SBNO2: variants seen among roughly 807,000 people sequenced by gnomAD.
The protein encoded by SBNO2 is protein strawberry notch homolog 2.
SBNO2 carries 89 observed loss-of-function variants against 146.3 expected under a neutral mutation model. The ratio of observed to expected loss-of-function variants is 0.61; its 90% CI spans 0.51 to 0.73. SBNO2 has a LOEUF of 0.73. SBNO2 is among the 30% of genes least tolerant of loss of function. SBNO2 has a pLI of 0.00. For synonymous variants in SBNO2, 1,147 were observed against 892.6 expected (o/e 1.29, Z -5.08); for missense variants, 2,092 against 2,003.7 (o/e 1.04, Z -0.84).
At chr19:1,128,259 C>T (rs112872546) in intron 4 of SBNO2, 7 of 486,432 alleles carry the variant, frequency 1.4e-5, no homozygotes, top group East Asian at 5.9e-5. Flanking sequence ...CTGAGCAGCT[C>T]GGGTCTGGGG....
intron 4 of SBNO2, among the ~76,000 whole-genome samples, chr19:1,133,148 G>A (rs1463704052): frequency 1.3e-5 from 2 of 152,266 alleles, no homozygotes; most frequent in Admixed American, 6.5e-5. Context: ...GTGGGAGGAC[G>A]GCCGGGCTGT....
In SBNO2 at chr19:1,144,689, G is replaced by A. The variant is rs776984457; in HGVS notation, c.279+2620C>T. 1.3e-5 allele frequency among the ~76,000 whole-genome samples: 2 copies of A among 151,670 alleles called. No homozygotes were observed. The highest frequency in any genetic ancestry group is 2.4e-5 in the African/African-American group (1 of 41,236). ...GGAAACAGACGAAGACAGAGAGGGC[G>A]ACAGAGACAGAGAGGGAAACAGACA... On this transcript the variant is annotated intron_variant, in intron 4 of 31. Transcript: ENST00000361757. This position sits in a 1 kb window ranked among gnomAD's most constrained non-coding sequence, Gnocchi z 4.1.
chr19:1,120,680 T>G (rs10411705), intron 11 of SBNO2, among the ~76,000 whole-genome samples: 5,021 of 151,586 alleles, frequency 0.033, 280 homozygotes, highest in African/African-American at 0.12. Context: ...AATTCTTTGT[T>G]TTTTTTTGAG....
intron 14 of SBNO2, among the ~76,000 whole-genome samples, chr19:1,117,713 G>A (rs1346708986): frequency 1.3e-5 from 2 of 152,266 alleles, no homozygotes; most frequent in East Asian, 1.9e-4. Context: ...TGGGGAAGCC[G>A]TGCTGCAAAC....
Position 1,112,028 on chromosome 19 carries a change from G to A in SBNO2, c.2668C>T (p.Arg890Cys), listed in dbSNP as rs780991401. 1.9e-6 allele frequency: 3 copies of A among 1,611,578 alleles called. No individual in the cohort carries two copies. Among genetic ancestry groups the A allele is most frequent in the Non-Finnish European group, 8.5e-7 (1 of 1,179,390 alleles). Reference protein sequence around the residue: ...THGDRRATESRDLSKYNFENK... With the variant: ...THGDRRATESCDLSKYNFENK... Reference sequence around the variant, plus strand: ...TCAAAGTTGTACTTGCTGAGGTCACGGGACTCCGTGGCGCGGCGGTCTCCG... The same window carrying A: ...TCAAAGTTGTACTTGCTGAGGTCACAGGACTCCGTGGCGCGGCGGTCTCCG... Residue 890 changes from arginine to cysteine, a missense_variant, in exon 23 of 32, where the codon CGT (arginine) becomes TGT (cysteine). Physicochemically the swap from Arg to Cys is radical, Grantham distance 180. Transcript: ENST00000361757. This position sits in a 1 kb window ranked among gnomAD's most constrained non-coding sequence, Gnocchi z 5.9.
chr19:1,128,207 T>C, intron 4 of SBNO2: 1 of 497,622 alleles, frequency 2.0e-6, no homozygotes, highest in Non-Finnish European at 4.0e-6. Flanking sequence ...GGACGGCGTC[T>C]GACTTCTGCA....
intron 1 of SBNO2, among the ~76,000 whole-genome samples, chr19:1,164,654 G>A (rs2080389132): frequency 6.9e-6 from 1 of 144,748 alleles, no homozygotes; most frequent in Non-Finnish European, 1.5e-5. Context: ...GGAACAGGAG[G>A]AGGAGGAGGA....
chr19:1,149,240 T>C (rs1164156043), intron 3 of SBNO2, 129 bp downstream of exon 3: 14 of 817,532 alleles, frequency 1.7e-5, no homozygotes, highest in Non-Finnish European at 2.8e-5. Flanking sequence ...CAGGACCACG[T>C]GCACACCACC....
chr19:1,164,301 C>G (rs2145342313), intron 1 of SBNO2, among the ~76,000 whole-genome samples: 1 of 152,256 alleles, frequency 6.6e-6, no homozygotes, highest in East Asian at 1.9e-4. Flanking sequence ...AACCTCCTGT[C>G]CTGCTCCAGC....
chr19:1,127,160 G>A (rs577375319), intron 5 of SBNO2, among the ~76,000 whole-genome samples: 2 of 150,306 alleles, frequency 1.3e-5, no homozygotes, highest in East Asian at 1.9e-4. Context: ...TGCCTGGACA[G>A]CCACATTGCC....
At position 1,110,983 on chromosome 19, in the gene SBNO2, C is replaced by T. The variant is rs752762613; in HGVS notation, c.2884+36G>A. On this transcript the variant is annotated intron_variant, in intron 25 of 31. Coordinates refer to ENST00000361757, the MANE Select transcript of SBNO2 (RefSeq NM_014963.3). The surrounding 1 kb of genome is among the most constrained non-coding windows in gnomAD (Gnocchi z 4.9). ...GGCCAAGGTTGCATGAGATGAGAGA[C>T]AGGAGCGCCTCTGGGCCTGGGTGTG... is the stretch of plus-strand genomic sequence containing the variant. The T allele has an allele frequency of 2.5e-6, 4 of 1,604,580 alleles. No homozygotes were observed. Among genetic ancestry groups the T allele is most frequent in the East Asian group, 2.3e-5 (1 of 43,950 alleles).
chr19:1,132,281 G>C, intron 4 of SBNO2: 1 of 1,311,954 alleles, frequency 7.6e-7, no homozygotes, highest in Non-Finnish European at 9.7e-7. Context: ...TGTCGGTTTA[G>C]TCACCGCCGC....
At position 1,109,124 on chromosome 19, in the gene SBNO2, C is replaced by T. The variant is rs2079718094; in HGVS notation, c.3425+11G>A. On this transcript the variant is annotated intron_variant, in intron 30 of 31. Transcript: ENST00000361757. This position sits in a 1 kb window ranked among gnomAD's most constrained non-coding sequence, Gnocchi z 4.2. ...CTGCCGGTTTCCCCCTGGTCCCCGG[C>T]CCGCCCTCACCAGGCGCTGTGGCTG... 1 of 1,549,904 alleles carries T rather than the reference C, an allele frequency of 6.5e-7. No individual in the cohort carries two copies. Among genetic ancestry groups the T allele is most frequent in the Non-Finnish European group, 8.7e-7 (1 of 1,147,114 alleles).
intron 4 of SBNO2, among the ~76,000 whole-genome samples, chr19:1,146,642 C>T (rs1055185990): frequency 3.6e-4 from 54 of 151,228 alleles, no homozygotes; most frequent in African/African-American, 1.2e-3. Context: ...CCAGGGAAGC[C>T]GATCTCTGTG....
In SBNO2 at chr19:1,144,118, G is replaced by A. The variant is rs1029745557; in HGVS notation, c.279+3191C>T. Among the ~76,000 whole-genome samples, 1 of 151,278 alleles carries A rather than the reference G, an allele frequency of 6.6e-6. No individual in the cohort carries two copies. Among genetic ancestry groups the A allele is most frequent in the Non-Finnish European group, 1.5e-5 (1 of 67,762 alleles). ...CAGAACCACGCGGCCCAGCCCACAGGCCTGGGCTGACTCATACCCGTCCCG... is the reference window on the plus strand; with the variant it reads ...CAGAACCACGCGGCCCAGCCCACAGACCTGGGCTGACTCATACCCGTCCCG... On this transcript the variant is annotated intron_variant, in intron 4 of 31. Transcript: ENST00000361757. This position sits in a 1 kb window ranked among gnomAD's most constrained non-coding sequence, Gnocchi z 4.1.
At chr19:1,119,415 C>G in intron 13 of SBNO2, 101 bp downstream of exon 13, 2 of 1,002,840 alleles carry the variant, frequency 2.0e-6, no homozygotes, top group Non-Finnish European at 1.5e-6. Flanking sequence ...CCTCTGGGTG[C>G]TGGGGAAGCA....
In SBNO2 at chr19:1,136,707, G is replaced by A. The variant is rs920687656; in HGVS notation, c.280-8942C>T. The stretch of plus-strand genomic sequence containing the variant: ...GTAACTGTGGGGGCTCCGTGGTGCC[G>A]GATGGGCCGAGGCATCTGACCCCTG... On this transcript the variant is annotated intron_variant, in intron 4 of 31. Coordinates refer to ENST00000361757, the MANE Select transcript of SBNO2 (RefSeq NM_014963.3). The surrounding 1 kb of genome is among the most constrained non-coding windows in gnomAD (Gnocchi z 4.2). Among the ~76,000 whole-genome samples, 7 of 152,176 alleles carry A rather than the reference G, an allele frequency of 4.6e-5. No individual in the cohort carries two copies. Among genetic ancestry groups the A allele is most frequent in the Non-Finnish European group, 8.8e-5 (6 of 68,026 alleles).
rs2079969518 is a variant in SBNO2 at position 1,126,689 on chromosome 19, G to C, written c.441+915C>G. Among the ~76,000 whole-genome samples the C allele has an allele frequency of 6.6e-6, 1 of 152,216 alleles. No homozygotes were observed. Among genetic ancestry groups the C allele is most frequent in the South Asian group, 2.1e-4 (1 of 4,832 alleles). ...GGGCCCGGGAGAGCGGCCTATGGGT[G>C]TGAGCCCACCACTGTGCCGGGAGCG... On this transcript the variant is annotated intron_variant, in intron 5 of 31. Transcript: ENST00000361757. This position sits in a 1 kb window ranked among gnomAD's most constrained non-coding sequence, Gnocchi z 4.4.
Position 1,108,201 on chromosome 19 carries a change from T to C in SBNO2, c.*19A>G, listed in dbSNP as rs763154595. 3 of 1,521,732 alleles carry C rather than the reference T, an allele frequency of 2.0e-6. No individual in the cohort carries two copies. Among genetic ancestry groups the C allele is most frequent in the South Asian group, 2.4e-5 (2 of 82,990 alleles). 94.3% of individuals were successfully genotyped at this position (1,521,732 alleles called of 1,614,324 possible). A position where few individuals can be genotyped will look rare whatever the true frequency, so the allele number is the denominator to read the frequency against. ...GAAACGGTCCCTGTGTCTTGGGGCA[T>C]GTTTCGCCTAAAGGCGTGTCAGAGA... On this transcript the variant is annotated 3_prime_UTR_variant, in exon 32 of 32. Transcript: ENST00000361757.
Sources: allele counts gnomAD v4.1 joint callset (sites outside exome capture counted in the v4.1 genomes callset), GRCh38; gene constraint gnomAD v4.1.1; non-coding constraint Gnocchi (gnomAD v3.1); transcripts MANE v1.5; gene names NCBI Gene and HGNC (gene_info 2026-07-23, HGNC 2026-07-21).